The following GATAD2A variants were observed in gnomAD, a reference collection of about 807,000 sequenced individuals.
GATAD2A encodes the protein transcriptional repressor p66-alpha.
In GATAD2A, 12 loss-of-function variants were observed where a neutral mutation model predicts 68.5. That is an observed-to-expected ratio of 0.18 (90% CI 0.11 to 0.28). The LOEUF is 0.28. Among genes scored for constraint, GATAD2A ranks in the 10% least tolerant of loss-of-function variants. The pLI, the probability that GATAD2A is intolerant of heterozygous loss-of-function variation, is 1.00. For synonymous variants in GATAD2A, 410 were observed against 375.3 expected, an observed-to-expected ratio of 1.09 and a Z score of -1.07; for missense variants, 755 against 868.5, an observed-to-expected ratio of 0.87 and a Z score of 1.64.
Position 19,508,925 on chromosome 19 carries a change from C to A in GATAD2A, c.*3451C>A, listed in dbSNP as rs1001017604. 3 of 152,198 alleles carry A rather than the reference C, an allele frequency of 2.0e-5. No homozygotes were observed. The highest frequency in any genetic ancestry group is 4.4e-5 in the Non-Finnish European group (3 of 68,044). 9.4% of individuals were successfully genotyped at this position (152,198 alleles called of 1,614,324 possible). ...GAAGGATAATAAATGGATGATGTGT[C>A]AACTGGACTTTTCTTTTGTCCCTTC... On this transcript the variant is annotated 3_prime_UTR_variant, in exon 12 of 12. Coordinates refer to ENST00000683918, the MANE Select transcript of GATAD2A (RefSeq NM_001384528.1).
intron 1 of GATAD2A, among the ~76,000 whole-genome samples, chr19:19,408,095 G>A (rs2050488904): frequency 6.6e-6 from 1 of 152,186 alleles, no homozygotes; most frequent in Non-Finnish European, 1.5e-5. Context: ...CGCCTCTCAG[G>A]TTCAAGCAAT....
intron 1 of GATAD2A, among the ~76,000 whole-genome samples, chr19:19,397,419 T>C (rs541197788): frequency 1.3e-5 from 2 of 152,172 alleles, no homozygotes; most frequent in Non-Finnish European, 2.9e-5. Flanking sequence ...GAGATGGGGT[T>C]TCTCCATGAT....
Position 19,501,984 on chromosome 19 carries a change from C to G in GATAD2A, c.1519C>G (p.Arg507Gly). The change falls in exon 10 of 12, where the codon CGT (arginine) becomes GGT (glycine). Residue 507 changes from arginine (R) to glycine (G), a missense_variant. Coordinates refer to ENST00000683918, the MANE Select transcript of GATAD2A (RefSeq NM_001384528.1). ...GTTTGTGTAGGTCATAAAACCCCGG[C>G]GTAAGTTGGCGTTCCGCTCAGGAGA... The part of the protein sequence containing the change: ...PVLKQVIKPR[R>G]KLAFRSGEAR... 1 of 1,613,884 alleles carries G rather than the reference C, an allele frequency of 6.2e-7. No homozygotes were observed. The highest frequency in any genetic ancestry group is 8.5e-7 in the Non-Finnish European group (1 of 1,179,844).
At chr19:19,411,404 C>T (rs1013816348) in intron 1 of GATAD2A, among the ~76,000 whole-genome samples, 38 of 152,292 alleles carry the variant, frequency 2.5e-4, no homozygotes, top group African/African-American at 4.6e-4. Context: ...AGCTGTTTGC[C>T]GGGCAGATCT....
At chr19:19,411,680 C>T (rs954932031) in intron 1 of GATAD2A, among the ~76,000 whole-genome samples, 5 of 147,874 alleles carry the variant, frequency 3.4e-5, no homozygotes, top group Non-Finnish European at 7.7e-5. Flanking sequence ...TCAGCTTTCT[C>T]TTATGTTGGC....
chr19:19,420,923 T>G (rs1600079016), intron 1 of GATAD2A, among the ~76,000 whole-genome samples: 1 of 152,260 alleles, frequency 6.6e-6, no homozygotes, highest in East Asian at 1.9e-4. Flanking sequence ...TGTTAGCCAC[T>G]GTTTCCTCTT....
At chr19:19,460,136 G>T (rs2147945168) in intron 1 of GATAD2A, among the ~76,000 whole-genome samples, 1 of 152,302 alleles carries the variant, frequency 6.6e-6, no homozygotes, top group African/African-American at 2.4e-5. Context: ...GTCCTTCTGG[G>T]CCACAACAAG....
intron 11 of GATAD2A, among the ~76,000 whole-genome samples, chr19:19,503,237 C>A (rs149013606): frequency 6.6e-6 from 1 of 152,144 alleles, no homozygotes; most frequent in African/African-American, 2.4e-5. Context: ...AGATGGGCAC[C>A]CTCTGGGAGA....
intron 1 of GATAD2A, among the ~76,000 whole-genome samples, chr19:19,439,497 C>G (rs4808951): frequency 0.16 from 23,966 of 151,932 alleles, 2,010 homozygotes; most frequent in Middle Eastern, 0.28. Flanking sequence ...CAGGTAGTGC[C>G]GTGGTAGTTG....
chr19:19,432,251 A>C (rs1420897726), intron 1 of GATAD2A, among the ~76,000 whole-genome samples: 1 of 152,102 alleles, frequency 6.6e-6, no homozygotes, highest in Non-Finnish European at 1.5e-5. Flanking sequence ...CTGGGATTAC[A>C]GACGTGAGCC....
chr19:19,405,171 GCTTT>G (rs1387743054), upstream of GATAD2A, among the ~76,000 whole-genome samples: 2 of 152,110 alleles, frequency 1.3e-5, no homozygotes, highest in African/African-American at 4.8e-5. Flanking sequence ...TGGGTCTGGA[GCTTT>G]CTTTGTAGAA....
chr19:19,445,139 G>T (rs925796538), intron 1 of GATAD2A, among the ~76,000 whole-genome samples: 1 of 152,126 alleles, frequency 6.6e-6, no homozygotes, highest in African/African-American at 2.4e-5. Flanking sequence ...GCTTGCTGCA[G>T]CCTCCTGCAG....
At chr19:19,461,736 G>T (rs1054484504) in intron 1 of GATAD2A, among the ~76,000 whole-genome samples, 1 of 152,238 alleles carries the variant, frequency 6.6e-6, no homozygotes, top group Non-Finnish European at 1.5e-5. Flanking sequence ...TGCCCACTCA[G>T]CCTTGCTGGT....
intron 1 of GATAD2A, among the ~76,000 whole-genome samples, chr19:19,419,624 G>T (rs1015579608): frequency 2.7e-5 from 4 of 149,166 alleles, no homozygotes; most frequent in African/African-American, 9.9e-5. Context: ...TCAGGTGATT[G>T]TTGTGCCTCA....
At chr19:19,387,047 C>G (rs991657275) in intron 1 of GATAD2A, among the ~76,000 whole-genome samples, 2 of 152,186 alleles carry the variant, frequency 1.3e-5, no homozygotes, top group African/African-American at 4.8e-5. Context: ...GAGAGACCCT[C>G]TGCCTCTCTG....
Position 19,496,128 on chromosome 19 carries a change from G to A in GATAD2A, c.833G>A (p.Ser278Asn), listed in dbSNP as rs1433271781. Residue 278 changes from serine (S) to asparagine (N), a missense_variant, in exon 7 of 12, where the codon AGT becomes AAT. Transcript: ENST00000683918. The part of the protein sequence containing the change: ...LLLAPRASVP[S>N]VQIQGQRIIQ... ...CTGGCCCCCCGGGCGTCGGTGCCCA[G>A]TGTGCAGATTCAGGGACAGAGGATC... 2 of 1,613,690 alleles carry A rather than the reference G, an allele frequency of 1.2e-6. No individual in the cohort carries two copies. The highest frequency in any genetic ancestry group is 1.6e-4 in the Middle Eastern group (1 of 6,062).
chr19:19,498,584 C>T lies in GATAD2A; in HGVS notation c.1066C>T (p.Leu356=). The T allele has an allele frequency of 6.2e-7, 1 of 1,613,906 alleles. No homozygotes were observed. Among genetic ancestry groups the T allele is most frequent in the Non-Finnish European group, 8.5e-7 (1 of 1,180,012 alleles). Residue 356 remains leucine (L), a synonymous_variant, in exon 8 of 12, where the codon CTG becomes TTG. Coordinates refer to ENST00000683918, the MANE Select transcript of GATAD2A (RefSeq NM_001384528.1). ...AAAKLALRKQ[L]EKTLLEIPPP... is the part of the protein sequence containing the mutation. ...CGCCAAGCTGGCGCTGCGCAAACAG[C>T]TGGAGAAGACGCTACTCGAGATCCC...
chr19:19,418,381 A>C (rs1050164639), intron 1 of GATAD2A, among the ~76,000 whole-genome samples: 1 of 152,240 alleles, frequency 6.6e-6, no homozygotes, highest in Non-Finnish European at 1.5e-5. Context: ...AATAGTTGAA[A>C]GAATGAAATA....
At chr19:19,413,715 G>A (rs2051242855) in intron 1 of GATAD2A, among the ~76,000 whole-genome samples, 1 of 152,064 alleles carries the variant, frequency 6.6e-6, no homozygotes, top group South Asian at 2.1e-4. Context: ...CTCCCGAGTA[G>A]TTAGGATTAC....
Sources: allele counts gnomAD v4.1 joint callset (sites outside exome capture counted in the v4.1 genomes callset), GRCh38; gene constraint gnomAD v4.1.1; transcripts MANE v1.5; gene names NCBI Gene and HGNC (gene_info 2026-07-23, HGNC 2026-07-21).